Variants in TPTE observed in about 807,000 individuals in gnomAD.
The protein encoded by TPTE is transmembrane phosphatase with tensin homology.
A neutral mutation model predicts 84.1 loss-of-function variants in TPTE; 59 were observed. The ratio of observed to expected loss-of-function variants is 0.70; its 90% CI spans 0.57 to 0.87. The LOEUF (loss-of-function observed/expected upper bound fraction) is 0.87, where lower values mean the gene tolerates loss of function less well. Among genes scored for constraint, TPTE ranks in the 40% least tolerant of loss-of-function variants. The pLI is 0.00. For synonymous variants in TPTE, 130 were observed against 223.5 expected, an observed-to-expected ratio of 0.58 and a Z score of 3.73; for missense variants, 382 against 659.6, an observed-to-expected ratio of 0.58 and a Z score of 4.61.
chr21:10,548,155 A>C (rs1341096908), intron 7 of TPTE, among the ~76,000 whole-genome samples: 2 of 152,306 alleles, frequency 1.3e-5, no homozygotes, highest in Non-Finnish European at 2.9e-5. Flanking sequence ...CCTGAGAGAC[A>C]AGCAACTGTG....
intron 18 of TPTE, among the ~76,000 whole-genome samples, chr21:10,591,045 A>T (rs1399889469): frequency 6.6e-6 from 1 of 152,310 alleles, no homozygotes; most frequent in Non-Finnish European, 1.5e-5. Context: ...TTAATTAGAT[A>T]AATTCTCCAA....
intron 17 of TPTE, among the ~76,000 whole-genome samples, chr21:10,589,388 C>T (rs1352459367): frequency 6.6e-6 from 1 of 152,422 alleles, no homozygotes; most frequent in South Asian, 2.1e-4. Flanking sequence ...CTGTGTACTT[C>T]ATCCTTGTTT....
intron 3 of TPTE, among the ~76,000 whole-genome samples, chr21:10,536,002 G>A (rs1173425822): frequency 6.6e-6 from 1 of 152,308 alleles, no homozygotes; most frequent in African/African-American, 2.4e-5. Context: ...CACTGGCCAG[G>A]CATGGTGGCT....
intron 19 of TPTE, among the ~76,000 whole-genome samples, chr21:10,592,830 G>GTGTA (rs1322404645): frequency 6.6e-6 from 1 of 152,290 alleles, no homozygotes; most frequent in African/African-American, 2.4e-5. Context: ...GTGTGTGTGT[G>GTGTA]TGTCTTTTCT....
At chr21:10,572,450 C>CAAAAAAAAAAAAAAAAAAAAAAAAAAAA (rs58796102) in intron 14 of TPTE, among the ~76,000 whole-genome samples, 1 of 131,986 alleles carries the variant, frequency 7.6e-6, no homozygotes, top group Admixed American at 7.2e-5. Flanking sequence ...AGACTGTATC[C>CAAAAAAAAAAAAAAAAAAAAAAAAAAAA]AAAAAAAAAA....
intron 17 of TPTE, among the ~76,000 whole-genome samples, chr21:10,590,002 A>C (rs1323247294): frequency 1.6e-4 from 25 of 152,214 alleles, no homozygotes; most frequent in African/African-American, 5.6e-4. Flanking sequence ...GTGTTTCTAC[A>C]TTGCTGAATT....
intron 23 of TPTE, among the ~76,000 whole-genome samples, chr21:10,604,099 C>G (rs2145814478): frequency 6.6e-6 from 1 of 152,430 alleles, no homozygotes; most frequent in African/African-American, 2.4e-5. Flanking sequence ...TCACAAGACA[C>G]AGTATTAAGG....
chr21:10,545,627 G>T (rs1334990273), intron 7 of TPTE, among the ~76,000 whole-genome samples: 3 of 150,830 alleles, frequency 2.0e-5, no homozygotes, highest in Non-Finnish European at 4.4e-5. Context: ...AGTGCTAAAG[G>T]ATCTATCTAC....
At chr21:10,555,895 A>G (rs796885646) in intron 8 of TPTE, among the ~76,000 whole-genome samples, 31 of 152,424 alleles carry the variant, frequency 2.0e-4, no homozygotes, top group South Asian at 8.3e-4. Context: ...AAAGATAAGA[A>G]ATGCAACCTG....
At chr21:10,544,640 T>A (rs112925187) in intron 7 of TPTE, among the ~76,000 whole-genome samples, 16 of 152,426 alleles carry the variant, frequency 1.0e-4, no homozygotes, top group African/African-American at 3.6e-4. Context: ...CGCCTCAGCC[T>A]CCCAAACTGC....
intron 10 of TPTE, among the ~76,000 whole-genome samples, chr21:10,566,164 A>G (rs1342681696): frequency 6.6e-6 from 1 of 152,310 alleles, no homozygotes; most frequent in Non-Finnish European, 1.5e-5. Flanking sequence ...CTCTCTAGGA[A>G]AAAATCTAAT....
chr21:10,582,874 C>T (rs1244339615), intron 17 of TPTE, among the ~76,000 whole-genome samples: 1 of 152,312 alleles, frequency 6.6e-6, no homozygotes, highest in Non-Finnish European at 1.5e-5. Context: ...GCTGGGATTA[C>T]AGGCATCCAC....
chr21:10,545,920 GTA>G (rs1193449709), intron 7 of TPTE, among the ~76,000 whole-genome samples: 4 of 151,992 alleles, frequency 2.6e-5, no homozygotes, highest in East Asian at 1.9e-4. Context: ...GAGCATCTGT[GTA>G]TATATATGTA....
At chr21:10,536,170 C>T (rs1172065169) in intron 3 of TPTE, among the ~76,000 whole-genome samples, 2 of 152,310 alleles carry the variant, frequency 1.3e-5, no homozygotes, top group African/African-American at 2.4e-5. Context: ...CCCATCTACT[C>T]AGGAGGCTGA....
chr21:10,536,844 A>G (rs1168242467), intron 3 of TPTE, among the ~76,000 whole-genome samples: 4 of 152,304 alleles, frequency 2.6e-5, no homozygotes, highest in Non-Finnish European at 5.9e-5. Flanking sequence ...TTTCCTGTGT[A>G]TGAGACATAC....
At chr21:10,529,821 T>G (rs2074144963) in intron 3 of TPTE, among the ~76,000 whole-genome samples, 1 of 152,310 alleles carries the variant, frequency 6.6e-6, no homozygotes, top group South Asian at 2.1e-4. Flanking sequence ...CAATGTTCAG[T>G]ATCCTGTTCC....
At chr21:10,534,095 T>G (rs1213936147) in intron 3 of TPTE, among the ~76,000 whole-genome samples, 1 of 152,312 alleles carries the variant, frequency 6.6e-6, no homozygotes, top group Admixed American at 6.5e-5. Context: ...ATAATTGTGC[T>G]GTTAGTTTAC....
intron 10 of TPTE, among the ~76,000 whole-genome samples, chr21:10,565,567 G>T (rs925678030): frequency 2.6e-5 from 4 of 152,310 alleles, no homozygotes; most frequent in Non-Finnish European, 5.9e-5. Context: ...TAAGCAAAAA[G>T]AACAAAGCTG....
At chr21:10,521,890 A>G (rs1365043131) in intron 1 of TPTE, among the ~76,000 whole-genome samples, 196 bp downstream of exon 1, 1 of 152,210 alleles carries the variant, frequency 6.6e-6, no homozygotes, top group Non-Finnish European at 1.5e-5. Flanking sequence ...AAAGGCCGAG[A>G]AAAACTCCGC....
Sources: allele counts gnomAD v4.1 joint callset (sites outside exome capture counted in the v4.1 genomes callset), GRCh38; gene constraint gnomAD v4.1.1; transcripts MANE v1.5; gene names NCBI Gene and HGNC (gene_info 2026-07-23, HGNC 2026-07-21).